ASAP2: variants seen among roughly 807,000 people sequenced by gnomAD.
ASAP2 encodes the protein arf-GAP with SH3 domain, ANK repeat and PH domain-containing protein 2.
A neutral mutation model predicts 131.4 loss-of-function variants in ASAP2; 45 were observed. The ratio of observed to expected loss-of-function variants is 0.34; its 90% CI spans 0.27 to 0.44. The LOEUF (loss-of-function observed/expected upper bound fraction) is 0.44. Among genes scored for constraint, ASAP2 ranks in the 20% least tolerant of loss-of-function variants. The probability of loss-of-function intolerance (pLI) is 1.00; values close to 1 mark genes in which losing one functional copy is unlikely to be tolerated. For synonymous variants in ASAP2, 510 were observed against 503.0 expected (o/e 1.01, Z -0.19); for missense variants, 1,011 against 1,297.0 (o/e 0.78, Z 3.39).
rs377047010 is a variant in ASAP2, at chr2:9,393,460, C to T, written c.2519-22C>T. ...GAAGCCTGGCGGCTGACCCTCTGCA[C>T]GTCTCTCCCTGTCCTCCGCAGATCC... On this transcript the variant is annotated intron_variant, in intron 23 of 27. Coordinates refer to ENST00000281419, the MANE Select transcript of ASAP2 (RefSeq NM_003887.3). The T allele has an allele frequency of 8.8e-6, 14 of 1,587,256 alleles. No individual in the cohort carries two copies. The African/African-American group carries it at 1.1e-4, about 12-fold the overall frequency.
chr2:9,348,291 A>G (rs1672103070), intron 11 of ASAP2, among the ~76,000 whole-genome samples: 1 of 151,832 alleles, frequency 6.6e-6, no homozygotes, highest in Non-Finnish European at 1.5e-5. Flanking sequence ...TAATTTTTGT[A>G]TTTTTAGTAG....
intron 2 of ASAP2, among the ~76,000 whole-genome samples, chr2:9,283,587 G>A (rs911492076): frequency 6.6e-6 from 1 of 152,174 alleles, no homozygotes; most frequent in Non-Finnish European, 1.5e-5. Context: ...ATGGCCGGTG[G>A]TGTCTTTCTC....
chr2:9,221,323 CTTTT>C (rs35784307), intron 1 of ASAP2, among the ~76,000 whole-genome samples: 1 of 132,002 alleles, frequency 7.6e-6, no homozygotes. Context: ...CTTTTCTTTT[CTTTT>C]TTTTTTTTTT....
intron 3 of ASAP2, among the ~76,000 whole-genome samples, chr2:9,304,137 G>A (rs1668674161): frequency 6.6e-6 from 1 of 152,150 alleles, no homozygotes; most frequent in African/African-American, 2.4e-5. Flanking sequence ...CTGCTTCCCT[G>A]GATCCCTGAG....
At chr2:9,298,933 A>G (rs1235899743) in intron 3 of ASAP2, among the ~76,000 whole-genome samples, 1 of 152,226 alleles carries the variant, frequency 6.6e-6, no homozygotes, top group Non-Finnish European at 1.5e-5. Context: ...ATGCTATGAA[A>G]GAAGGCCAGG....
rs60731896 is a variant in ASAP2, at chr2:9,222,416, C to T, written c.126+15186C>T. On this transcript the variant is annotated intron_variant, in intron 1 of 27. Transcript: ENST00000281419. ...ACTCAGGAGGCTTAGAGCCAGGCCT[C>T]GTGTGTTCTCTGCAACCGCAAACCC... Among the ~76,000 whole-genome samples, 53 of 152,316 alleles carry T rather than the reference C, an allele frequency of 3.5e-4. 2 individuals carry two copies. In the East Asian group the frequency reaches 8.7e-3, roughly 25 times the overall value.
chr2:9,337,552 A>G (rs951823629), intron 9 of ASAP2, among the ~76,000 whole-genome samples: 1 of 152,194 alleles, frequency 6.6e-6, no homozygotes, highest in Non-Finnish European at 1.5e-5. Flanking sequence ...CCTGTGTAAT[A>G]ACAGTTGATA....
At position 9,265,483 on chromosome 2, in the gene ASAP2, A is replaced by T. The variant is rs74549764; in HGVS notation, c.127-13834A>T. On this transcript the variant is annotated intron_variant, in intron 1 of 27. Coordinates refer to ENST00000281419, the MANE Select transcript of ASAP2 (RefSeq NM_003887.3). ...TGATGGGAGGAGAAGAGAAAAGGGT[A>T]ACAAAGTATAGGATAGTACTTTTCA... is the stretch of plus-strand genomic sequence containing the variant. Among the ~76,000 whole-genome samples the T allele has an allele frequency of 6.0e-3, 920 of 152,362 alleles. 9 individuals are homozygous for T. The highest frequency in any genetic ancestry group is 0.021 in the African/African-American group (868 of 41,586).
intron 15 of ASAP2, among the ~76,000 whole-genome samples, chr2:9,362,141 G>T (rs1169229018): frequency 6.6e-6 from 1 of 152,174 alleles, no homozygotes; most frequent in African/African-American, 2.4e-5. Flanking sequence ...GGGAGGCCAT[G>T]CATGGTCTGT....
At chr2:9,373,847 G>A (rs1055469168) in intron 16 of ASAP2, among the ~76,000 whole-genome samples, 3 of 152,200 alleles carry the variant, frequency 2.0e-5, no homozygotes, top group Non-Finnish European at 4.4e-5. Context: ...TCAGAATTGG[G>A]ATTGTAAAAT....
chr2:9,275,135 C>T (rs1215600997), intron 1 of ASAP2, among the ~76,000 whole-genome samples: 1 of 147,760 alleles, frequency 6.8e-6, no homozygotes, highest in Non-Finnish European at 1.5e-5. Context: ...GGCTATAGGG[C>T]AGTGGCGCAA....
rs773011595 is a variant in ASAP2 at position 9,317,270 on chromosome 2, C to T, written c.346-1254C>T. Among the ~76,000 whole-genome samples, 54 of 150,728 alleles carry T rather than the reference C, an allele frequency of 3.6e-4. 1 individual carries two copies. Among genetic ancestry groups the T allele is most frequent in the Admixed American group, 7.3e-4 (11 of 15,112 alleles). On this transcript the variant is annotated intron_variant, in intron 3 of 27. Coordinates refer to ENST00000281419, the MANE Select transcript of ASAP2 (RefSeq NM_003887.3). Reference sequence around the variant, plus strand: ...ACACACCCCGTGCATCACACACACTCATATCCACACCCTCACACCCTCACA... The same window carrying T: ...ACACACCCCGTGCATCACACACACTTATATCCACACCCTCACACCCTCACA...
At chr2:9,400,233 C>CCTCCTGCCCCCTTCCCCTCCTGCCCTCT (rs1676523997) in intron 25 of ASAP2, among the ~76,000 whole-genome samples, 161 bp downstream of exon 25, 2 of 56,234 alleles carry the variant, frequency 3.6e-5, no homozygotes, top group Non-Finnish European at 9.5e-5. Flanking sequence ...CTCCTGCCCC[C>CCTCCTGCCCCCTTCCCCTCCTGCCCTCT]TCCCCTCCTG....
At chr2:9,381,942 C>T (rs1321190772) in intron 20 of ASAP2, among the ~76,000 whole-genome samples, 2 of 151,250 alleles carry the variant, frequency 1.3e-5, no homozygotes, top group Non-Finnish European at 2.9e-5. Context: ...GTAACAGGTC[C>T]TCTTTCTAAG....
intron 6 of ASAP2, among the ~76,000 whole-genome samples, chr2:9,326,222 A>C (rs1420807621): frequency 6.6e-6 from 1 of 152,196 alleles, no homozygotes; most frequent in African/African-American, 2.4e-5. Flanking sequence ...CTCTACAAAA[A>C]AACAAAAACA....
intron 1 of ASAP2, among the ~76,000 whole-genome samples, chr2:9,274,404 C>G (rs571306800): frequency 7.1e-6 from 1 of 141,706 alleles, no homozygotes; most frequent in Non-Finnish European, 1.5e-5. Flanking sequence ...CTCACTGCAA[C>G]CTTTGTCCCC....
chr2:9,382,254 G>A (rs1428508526), intron 20 of ASAP2, among the ~76,000 whole-genome samples: 1 of 152,130 alleles, frequency 6.6e-6, no homozygotes, highest in Non-Finnish European at 1.5e-5. Context: ...AAAGTGCTGG[G>A]ATTATAGGCG....
intron 1 of ASAP2, among the ~76,000 whole-genome samples, chr2:9,213,933 T>C (rs1661791871): frequency 6.6e-6 from 1 of 152,172 alleles, no homozygotes; most frequent in Admixed American, 6.5e-5. Context: ...GATTGAAGCA[T>C]AGCTGCATAG....
chr2:9,331,769 A>T (rs375828907), intron 7 of ASAP2, among the ~76,000 whole-genome samples: 45 of 150,618 alleles, frequency 3.0e-4, no homozygotes, highest in African/African-American at 1.1e-3. Context: ...TTTTTTTTTC[A>T]AAAAAAATAC....
Sources: allele counts gnomAD v4.1 joint callset (sites outside exome capture counted in the v4.1 genomes callset), GRCh38; gene constraint gnomAD v4.1.1; transcripts MANE v1.5; gene names NCBI Gene and HGNC (gene_info 2026-07-23, HGNC 2026-07-21).